The following NAA25 variants were observed in gnomAD, a reference collection of about 807,000 sequenced individuals.
NAA25 encodes the protein N-alpha-acetyltransferase 25, NatB auxiliary subunit.
NAA25 carries 30 observed loss-of-function variants against 132.5 expected under a neutral mutation model. The ratio of observed to expected loss-of-function variants is 0.23; its 90% CI spans 0.17 to 0.31. NAA25 has a LOEUF of 0.31. NAA25 is among the 10% of genes least tolerant of loss of function. The pLI is 1.00. For missense variants in NAA25, 771 were observed against 1,150.4 expected, an observed-to-expected ratio of 0.67 and a Z score of 4.77; for synonymous variants, 359 against 401.9, an observed-to-expected ratio of 0.89 and a Z score of 1.28.
In NAA25 at chr12:112,043,141, A is replaced by G. The variant is rs757741737; in HGVS notation, c.2321T>C (p.Ile774Thr). The change falls in exon 19 of 24, where the codon ATA becomes ACA. Residue 774 changes from isoleucine to threonine, a missense_variant. By Grantham distance (89) the Ile-to-Thr change is moderately conservative. Transcript: ENST00000261745. ...FFNSGCSQCQ[I>T]SSFYLVNDIY... is the part of the protein sequence containing the mutation. ...ATCATTGACAAGATAAAAAGAGCTTATCTGGCACTGAGAACAGCCAGAATT... is the reference window on the plus strand; with the variant it reads ...ATCATTGACAAGATAAAAAGAGCTTGTCTGGCACTGAGAACAGCCAGAATT... The G allele has an allele frequency of 1.4e-5, 22 of 1,613,478 alleles. No individual in the cohort carries two copies. Among genetic ancestry groups the G allele is most frequent in the Admixed American group, 1.7e-5 (1 of 59,978 alleles).
At chr12:112,035,512 CTTGTTT>C (rs910034469) in intron 22 of NAA25, 12 of 152,034 alleles carry the variant, frequency 7.9e-5, no homozygotes, top group African/African-American at 2.9e-4. Context: ...TGTTCTTGTT[CTTGTTT>C]AATTCTCCTG....
intron 22 of NAA25, among the ~76,000 whole-genome samples, chr12:112,038,473 TGA>T (rs1365358107): frequency 1.3e-5 from 2 of 152,148 alleles, no homozygotes; most frequent in South Asian, 2.1e-4. Flanking sequence ...GTTCAACAAA[TGA>T]GAGATAAAAC....
At chr12:112,070,884 C>T (rs2078795102) in intron 10 of NAA25, among the ~76,000 whole-genome samples, 2 of 152,216 alleles carry the variant, frequency 1.3e-5, no homozygotes, top group African/African-American at 4.8e-5. Flanking sequence ...GTAGCTGTAA[C>T]TACAGGCGTG....
chr12:112,036,877 G>A (rs907585478), intron 22 of NAA25, among the ~76,000 whole-genome samples: 11 of 146,752 alleles, frequency 7.5e-5, no homozygotes, highest in African/African-American at 2.3e-4. Flanking sequence ...CTGTGTGTGC[G>A]TGTGTGTGTG....
intron 5 of NAA25, among the ~76,000 whole-genome samples, chr12:112,080,151 G>C (rs139692907): frequency 1.3e-5 from 2 of 151,638 alleles, no homozygotes; most frequent in Non-Finnish European, 2.9e-5. Context: ...CATGGTAGCA[G>C]ATGCTTGTAG....
At chr12:112,077,298 C>T (rs2136900068) in intron 7 of NAA25, among the ~76,000 whole-genome samples, 1 of 151,972 alleles carries the variant, frequency 6.6e-6, no homozygotes, top group East Asian at 1.9e-4. Flanking sequence ...CATGTTGAAA[C>T]CCCGTCTCTA....
intron 17 of NAA25, among the ~76,000 whole-genome samples, chr12:112,046,306 T>C (rs915692850): frequency 2.0e-5 from 3 of 152,348 alleles, no homozygotes; most frequent in Admixed American, 6.5e-5. Context: ...GCATACTCAG[T>C]GTTTCCCCTC....
At chr12:112,102,730 A>G (rs1228002797) in intron 1 of NAA25, among the ~76,000 whole-genome samples, 1 of 117,718 alleles carries the variant, frequency 8.5e-6, no homozygotes. Context: ...ACTGGAGCCC[A>G]GGCTGGAGTG....
Position 112,054,528 on chromosome 12 carries a change from T to C in NAA25, c.1488A>G (p.Glu496=), listed in dbSNP as rs1414719656. 6.2e-7 allele frequency: 1 copy of C among 1,614,094 alleles called. No individual in the cohort carries two copies. The highest frequency in any genetic ancestry group is 8.5e-7 in the Non-Finnish European group (1 of 1,180,016). Residue 496 remains glutamate (E), a synonymous_variant, in exon 14 of 24, where the codon GAA becomes GAG. Coordinates refer to ENST00000261745, the MANE Select transcript of NAA25 (RefSeq NM_024953.4). ...TTVWQALTLL[E]EGLTHSPSNA... ...TGGAAGGGCTATGGGTTAATCCCTC[T>C]TCCAGCAAAGTCAGGGCCTGCCACA... is the stretch of plus-strand genomic sequence containing the variant.
intron 1 of NAA25, among the ~76,000 whole-genome samples, chr12:112,106,300 A>T (rs2079360549): frequency 6.6e-6 from 1 of 152,218 alleles, no homozygotes; most frequent in African/African-American, 2.4e-5. Context: ...TATTAATTCT[A>T]AATAACTATG....
chr12:112,096,785 T>C (rs1333439030), intron 1 of NAA25, among the ~76,000 whole-genome samples: 3 of 152,238 alleles, frequency 2.0e-5, no homozygotes, highest in African/African-American at 7.2e-5. Context: ...AACTTGATGC[T>C]GATCTCATTC....
chr12:112,039,410 T>C, intron 21 of NAA25, 71 bp from the exon 22 acceptor site: 5 of 881,344 alleles, frequency 5.7e-6, no homozygotes, highest in South Asian at 1.5e-5. Context: ...TTAGAGGCAA[T>C]GGATTCAACA....
In NAA25 at chr12:112,085,710, C is replaced by T. The variant is rs35613111; in HGVS notation, c.402+1973G>A. ...TTTATATGTATATATGTTAGCATTG[C>T]CAATTTTAAAAAATATACCCATTTT... On this transcript the variant is annotated intron_variant, in intron 4 of 23. Transcript: ENST00000261745. Among the ~76,000 whole-genome samples the T allele has an allele frequency of 3.4e-3, 514 of 151,842 alleles. 1 individual carries two copies. Among genetic ancestry groups the T allele is most frequent in the Non-Finnish European group, 5.4e-3 (367 of 67,948 alleles).
chr12:112,091,445 T>C (rs1443362144), intron 2 of NAA25, among the ~76,000 whole-genome samples: 1 of 151,702 alleles, frequency 6.6e-6, no homozygotes, highest in Non-Finnish European at 1.5e-5. Context: ...CCCCAGCACT[T>C]TGGAAGGCCG....
intron 1 of NAA25, among the ~76,000 whole-genome samples, chr12:112,098,568 G>C (rs972864865): frequency 6.6e-6 from 1 of 152,110 alleles, no homozygotes; most frequent in Admixed American, 6.6e-5. Context: ...ATTGTAGTTT[G>C]GCCATGAGGA....
intron 2 of NAA25, among the ~76,000 whole-genome samples, chr12:112,091,244 G>GAA (rs754405360): frequency 7.6e-5 from 10 of 131,290 alleles, no homozygotes; most frequent in Non-Finnish European, 1.2e-4. Flanking sequence ...ATCCTGTCTC[G>GAA]AAAAAAAAAA....
intron 22 of NAA25, among the ~76,000 whole-genome samples, chr12:112,036,872 TGTGC>T (rs1346257731): frequency 6.7e-6 from 1 of 150,292 alleles, no homozygotes; most frequent in Non-Finnish European, 1.5e-5. Flanking sequence ...TAAAACTGTG[TGTGC>T]GTGTGTGTGT....
Position 112,039,351 on chromosome 12 carries a change from A to G in NAA25, c.2539-12T>C. 6.6e-7 allele frequency: 1 copy of G among 1,526,416 alleles called. No individual in the cohort carries two copies. The highest frequency in any genetic ancestry group is 9.0e-7 in the Non-Finnish European group (1 of 1,106,720). 94.6% of individuals were successfully genotyped at this position (1,526,416 alleles called of 1,614,324 possible). On this transcript the variant is annotated splice_polypyrimidine_tract_variant and intron_variant, in intron 21 of 23. Coordinates refer to ENST00000261745, the MANE Select transcript of NAA25 (RefSeq NM_024953.4). The stretch of plus-strand genomic sequence containing the variant: ...ATAACAGAAATAGTCTGAAAGGAAA[A>G]ATTGCAAATTCACCAATAAGGATTA...
At chr12:112,091,432 T>G (rs1377124341) in intron 2 of NAA25, among the ~76,000 whole-genome samples, 3 of 151,942 alleles carry the variant, frequency 2.0e-5, no homozygotes, top group Non-Finnish European at 2.9e-5. Flanking sequence ...CTCACGAATG[T>G]AACCCCAGCA....
Sources: allele counts gnomAD v4.1 joint callset (sites outside exome capture counted in the v4.1 genomes callset), GRCh38; gene constraint gnomAD v4.1.1; transcripts MANE v1.5; gene names NCBI Gene and HGNC (gene_info 2026-07-23, HGNC 2026-07-21).